The following DMXL1 variants were observed in gnomAD, a reference collection of about 807,000 sequenced individuals.
DMXL1 encodes Dmx like 1.
In DMXL1, 99 loss-of-function variants were observed where a neutral mutation model predicts 319.2. That is an observed-to-expected ratio of 0.31 (90% CI 0.26 to 0.37). The LOEUF (loss-of-function observed/expected upper bound fraction) is 0.37, where lower values mean the gene tolerates loss of function less well. DMXL1 is among the 10% of genes least tolerant of loss of function. DMXL1 has a pLI of 1.00. For missense variants in DMXL1, 3,745 were observed against 3,595.6 expected (o/e 1.04, Z -1.06); for synonymous variants, 1,385 against 1,235.2 (o/e 1.12, Z -2.54).
At chr5:119,164,761 C>T (rs984968114) in intron 20 of DMXL1, 85 bp downstream of exon 20, 1 of 1,233,460 alleles carries the variant, frequency 8.1e-7, no homozygotes. Context: ...TCTGCCATTA[C>T]TCCCTCTTGT....
At position 119,197,874 on chromosome 5, in the gene DMXL1, C is replaced by T. The variant is rs767036060; in HGVS notation, c.7663C>T (p.His2555Tyr). The change falls in exon 32 of 44, where the codon CAT becomes TAT. Residue 2555 changes from histidine to tyrosine, a missense_variant. Coordinates refer to ENST00000539542, the MANE Select transcript of DMXL1 (RefSeq NM_001290321.3). ...GCCACCTCAAAATTATATCGCAAGT[C>T]ATACCGCCGAAGAGAGTTTGTCTGC... ...GGPPQNYIAS[H>Y]TAEESLSAGP... 4 of 1,614,222 alleles carry T rather than the reference C, an allele frequency of 2.5e-6. No homozygotes were observed. The highest frequency in any genetic ancestry group is 3.4e-6 in the Non-Finnish European group (4 of 1,180,038).
At chr5:119,133,066 G>A in intron 10 of DMXL1, 66 bp from the exon 11 acceptor site, 6 of 1,560,616 alleles carry the variant, frequency 3.8e-6, no homozygotes, top group Middle Eastern at 1.9e-4. Context: ...CAGAAGCTCG[G>A]TAATTCTTAA....
chr5:119,101,475 A>G (rs1757267362), intron 2 of DMXL1, among the ~76,000 whole-genome samples: 1 of 152,232 alleles, frequency 6.6e-6, no homozygotes, highest in Non-Finnish European at 1.5e-5. Context: ...CAAAGGATAA[A>G]ATAGAATATG....
intron 25 of DMXL1, among the ~76,000 whole-genome samples, chr5:119,173,337 C>T (rs955846401): frequency 3.9e-4 from 58 of 148,148 alleles, no homozygotes; most frequent in Non-Finnish European, 7.0e-4. Context: ...CAAAACTCCG[C>T]GCCCACCCCC....
At chr5:119,128,850 G>A (rs1316226319) in intron 9 of DMXL1, among the ~76,000 whole-genome samples, 1 of 152,194 alleles carries the variant, frequency 6.6e-6, no homozygotes, top group Non-Finnish European at 1.5e-5. Flanking sequence ...TAGATCACGA[G>A]GTTGGGAGAT....
In DMXL1 at chr5:119,115,586, G is replaced by A. The variant is rs532132115; in HGVS notation, c.565-572G>A. Among the ~76,000 whole-genome samples, 6 of 152,110 alleles carry A rather than the reference G, an allele frequency of 3.9e-5. No individual in the cohort carries two copies. The South Asian group carries it at 1.2e-3, about 32-fold the overall frequency. On this transcript the variant is annotated intron_variant, in intron 6 of 43. Coordinates refer to ENST00000539542, the MANE Select transcript of DMXL1 (RefSeq NM_001290321.3). ...GTTTATTCTGATTGACTTTACAGGT[G>A]GGAACTCAGTTATAGCTTAAAAGCA... is the stretch of plus-strand genomic sequence containing the variant.
chr5:119,192,891 C>G (rs1006273175), intron 29 of DMXL1, among the ~76,000 whole-genome samples: 3 of 152,046 alleles, frequency 2.0e-5, no homozygotes, highest in Non-Finnish European at 4.4e-5. Context: ...GTATATTCAC[C>G]CTTATAGTTG....
intron 13 of DMXL1, among the ~76,000 whole-genome samples, chr5:119,142,540 A>G (rs1323154084): frequency 6.7e-6 from 1 of 148,218 alleles, no homozygotes; most frequent in East Asian, 2.0e-4. Flanking sequence ...AAAAAAAAAG[A>G]TGCTGATGAG....
chr5:119,176,184 G>A (rs1775766968), intron 26 of DMXL1, among the ~76,000 whole-genome samples: 2 of 151,924 alleles, frequency 1.3e-5, no homozygotes, highest in South Asian at 2.1e-4. Context: ...GTTGAATTTA[G>A]TATTTGCTTC....
In DMXL1 at chr5:119,134,068, C is replaced by A; in HGVS notation, c.2144C>A (p.Pro715Gln). 1.2e-6 allele frequency: 2 copies of A among 1,614,118 alleles called. No homozygotes were observed. The highest frequency in any genetic ancestry group is 1.7e-6 in the Non-Finnish European group (2 of 1,180,016). ...LILWRVDPVG[P>Q]LSFSGGVSEL... ...CTGTGGAGGGTTGACCCAGTTGGGC[C>A]ATTGTCTTTTTCTGGAGGAGTTTCT... Residue 715 changes from proline to glutamine, a missense_variant, in exon 12 of 44, where the codon CCA (proline) becomes CAA (glutamine). By Grantham distance (76) the Pro-to-Gln change is moderately conservative. Around this residue, in one of 4 missense-constraint regions of DMXL1, gnomAD observed 2,096 missense variants for 1,985.4 expected, o/e 1.06. Transcript: ENST00000539542.
At chr5:119,172,918 C>T (rs1774876049) in intron 25 of DMXL1, among the ~76,000 whole-genome samples, 1 of 152,034 alleles carries the variant, frequency 6.6e-6, no homozygotes, top group Admixed American at 6.5e-5. Flanking sequence ...TATAAATGCC[C>T]ATAGTGCTTA....
chr5:119,088,683 G>A (rs1335676672), intron 1 of DMXL1, among the ~76,000 whole-genome samples: 1 of 151,998 alleles, frequency 6.6e-6, no homozygotes, highest in Non-Finnish European at 1.5e-5. Context: ...CTACCATGAG[G>A]CTCACATAAA....
rs146350033 is a variant in DMXL1 at position 119,144,729 on chromosome 5, C to G, written c.2569+91C>G. On this transcript the variant is annotated intron_variant, in intron 15 of 43. Coordinates refer to ENST00000539542, the MANE Select transcript of DMXL1 (RefSeq NM_001290321.3). ...GAATTGGTAAAATGCTTTACATTGT[C>G]TATTTGAAGTAAAAATTGGGGTAGG... The G allele has an allele frequency of 1.6e-3, 1,171 of 742,600 alleles. 5 individuals carry two copies. The African/African-American group carries it at 0.019, about 12-fold the overall frequency. 46.0% of individuals were successfully genotyped at this position (742,600 alleles called of 1,614,324 possible).
At chr5:119,228,149 A>G (rs1581441040) in intron 38 of DMXL1, among the ~76,000 whole-genome samples, 2 of 152,222 alleles carry the variant, frequency 1.3e-5, no homozygotes, top group East Asian at 3.8e-4. Flanking sequence ...TAATGAATTT[A>G]TAAGTTTTTT....
At chr5:119,178,662 G>C in intron 28 of DMXL1, 1 of 985,288 alleles carries the variant, frequency 1.0e-6, no homozygotes, top group Non-Finnish European at 1.2e-6. Flanking sequence ...TCAGCCATCA[G>C]TTCTCATAGC....
rs1392305590 is a variant in DMXL1, at chr5:119,184,348, G to C, written c.7136-5360G>C. 2.6e-5 allele frequency among the ~76,000 whole-genome samples: 4 copies of C among 152,270 alleles called. No individual in the cohort carries two copies. The South Asian group carries it at 8.3e-4, about 32-fold the overall frequency. On this transcript the variant is annotated intron_variant, in intron 28 of 43. Transcript: ENST00000539542. ...CAAATTGCTGGGATTACAGGTGTGAGCCACCATGTCCTGCTTAATTCAGTA... is the reference window on the plus strand; with the variant it reads ...CAAATTGCTGGGATTACAGGTGTGACCCACCATGTCCTGCTTAATTCAGTA...
chr5:119,173,797 T>TATATATATATATATATATATAA (rs1305561997), intron 25 of DMXL1, among the ~76,000 whole-genome samples: 13 of 130,758 alleles, frequency 9.9e-5, no homozygotes, highest in Admixed American at 7.2e-4. Flanking sequence ...TATATATATA[T>TATATATATATATATATATATAA]AATGAGAGAG....
intron 13 of DMXL1, among the ~76,000 whole-genome samples, chr5:119,142,778 A>T (rs2150105451): frequency 6.6e-6 from 1 of 152,258 alleles, no homozygotes; most frequent in East Asian, 1.9e-4. Context: ...AAAGACATAG[A>T]ATCAACCCAA....
At chr5:119,121,622 C>A (rs1287460516) in intron 9 of DMXL1, among the ~76,000 whole-genome samples, 1 of 152,120 alleles carries the variant, frequency 6.6e-6, no homozygotes. Flanking sequence ...CAACAGGATC[C>A]CAAGGCAGAA....
Sources: gnomAD v4.1 joint callset for allele counts (sites outside exome capture counted in the v4.1 genomes callset) on GRCh38, gnomAD v4.1.1 for gene constraint, gnomAD v4.1.1 regional missense constraint, MANE v1.5 for transcripts, NCBI Gene and HGNC (gene_info 2026-07-23, HGNC 2026-07-21) for gene names.